Variants in TICAM2 observed in about 807,000 individuals in gnomAD.
The protein encoded by TICAM2 is TIR domain-containing adapter molecule 2.
TICAM2 carries 8 observed loss-of-function variants against 7.3 expected under a neutral mutation model. The ratio of observed to expected loss-of-function variants is 1.10; its 90% CI spans 0.65 to 1.99. TICAM2 has a LOEUF of 1.99. TICAM2 is among the 30% of genes most tolerant of loss of function. TICAM2 has a pLI of 0.00. For synonymous variants in TICAM2, 113 were observed against 99.6 expected, an observed-to-expected ratio of 1.13 and a Z score of -0.80; for missense variants, 304 against 278.8, an observed-to-expected ratio of 1.09 and a Z score of -0.65.
chr5:115,592,108 C>G (rs1435611719), intron 1 of TICAM2, among the ~76,000 whole-genome samples: 2 of 151,984 alleles, frequency 1.3e-5, no homozygotes, highest in Non-Finnish European at 2.9e-5. Context: ...ATAGCTTTAA[C>G]GTGATGAAAG....
intron 1 of TICAM2, among the ~76,000 whole-genome samples, chr5:115,589,059 A>G (rs564760575): frequency 1.3e-5 from 2 of 152,246 alleles, no homozygotes; most frequent in African/African-American, 4.8e-5. Flanking sequence ...TTGATACAAC[A>G]TCCAAAACAA....
At chr5:115,592,044 A>G (rs1240080724) in intron 1 of TICAM2, among the ~76,000 whole-genome samples, 1 of 152,180 alleles carries the variant, frequency 6.6e-6, no homozygotes, top group Non-Finnish European at 1.5e-5. Context: ...AGCAAGAGAA[A>G]ATAGATTACC....
chr5:115,592,109 G>A (rs559836795), intron 1 of TICAM2, among the ~76,000 whole-genome samples: 16 of 152,090 alleles, frequency 1.1e-4, no homozygotes, highest in Non-Finnish European at 2.1e-4. Context: ...TAGCTTTAAC[G>A]TGATGAAAGA....
At chr5:115,589,717 A>G (rs1755234549) in intron 1 of TICAM2, among the ~76,000 whole-genome samples, 1 of 152,208 alleles carries the variant, frequency 6.6e-6, no homozygotes, top group Non-Finnish European at 1.5e-5. Context: ...CACTAATCAC[A>G]ATTAATTATT....
chr5:115,595,999 CT>C (rs1190703822), intron 1 of TICAM2, among the ~76,000 whole-genome samples: 1 of 152,232 alleles, frequency 6.6e-6, no homozygotes, highest in African/African-American at 2.4e-5. Context: ...TGGAAGGTAG[CT>C]TGCACCTCAT....
At chr5:115,599,092 A>C (rs902134028) in intron 1 of TICAM2, among the ~76,000 whole-genome samples, 3 of 151,714 alleles carry the variant, frequency 2.0e-5, no homozygotes, top group Non-Finnish European at 2.9e-5. Context: ...TTCAATTTAT[A>C]TAATATCTTA....
intron 1 of TICAM2, among the ~76,000 whole-genome samples, chr5:115,587,567 A>G (rs1011387549): frequency 5.9e-5 from 9 of 152,202 alleles, no homozygotes; most frequent in Non-Finnish European, 1.2e-4. Context: ...AGATGAAGTG[A>G]TAGTGGAGGT....
At chr5:115,591,473 C>T (rs1239093045) in intron 1 of TICAM2, among the ~76,000 whole-genome samples, 1 of 152,032 alleles carries the variant, frequency 6.6e-6, no homozygotes, top group African/African-American at 2.4e-5. Flanking sequence ...ACGCAGCTGA[C>T]AATAGAAATA....
At chr5:115,591,655 T>A (rs542913074) in intron 1 of TICAM2, among the ~76,000 whole-genome samples, 1 of 152,118 alleles carries the variant, frequency 6.6e-6, no homozygotes, top group South Asian at 2.1e-4. Context: ...GATGGATTTA[T>A]CATTAGATTA....
In TICAM2 at chr5:115,579,899, C is replaced by A. The variant is rs956449809; in HGVS notation, c.*650G>T. ...ACGTCTGAACACCACTCCACGAAGT[C>A]CCTAACTACCACACTATCAAATGGG... On this transcript the variant is annotated 3_prime_UTR_variant, in exon 2 of 2. Transcript: ENST00000427199. 7.9e-5 allele frequency: 12 copies of A among 152,202 alleles called. No individual in the cohort carries two copies. The highest frequency in any genetic ancestry group is 2.9e-4 in the African/African-American group (12 of 41,426). The allele number at this position is 152,202 out of a possible 1,614,324, so 9.4% of individuals were successfully genotyped here.
intron 1 of TICAM2, among the ~76,000 whole-genome samples, chr5:115,595,574 T>C (rs914413367): frequency 6.6e-6 from 1 of 152,338 alleles, no homozygotes; most frequent in African/African-American, 2.4e-5. Context: ...CTTTCTGCAA[T>C]GGAAAACTGA....
chr5:115,599,967 T>C (rs1255909935), intron 1 of TICAM2, among the ~76,000 whole-genome samples: 5 of 152,134 alleles, frequency 3.3e-5, no homozygotes, highest in Admixed American at 3.3e-4. Context: ...TGGAAAAGAC[T>C]GTAGAGGAGC....
At chr5:115,598,566 T>C (rs936088529) in intron 1 of TICAM2, among the ~76,000 whole-genome samples, 2 of 152,214 alleles carry the variant, frequency 1.3e-5, no homozygotes, top group African/African-American at 4.8e-5. Flanking sequence ...TCCACGTTAA[T>C]GAGTGCTCTG....
At chr5:115,581,526 G>A (rs1355783461) in intron 1 of TICAM2, among the ~76,000 whole-genome samples, 1 of 152,142 alleles carries the variant, frequency 6.6e-6, no homozygotes, top group East Asian at 1.9e-4. Context: ...TAAATAAAGG[G>A]TCCAGTTTAA....
chr5:115,584,005 T>C (rs1755019209), intron 1 of TICAM2, among the ~76,000 whole-genome samples: 1 of 152,188 alleles, frequency 6.6e-6, no homozygotes, highest in Non-Finnish European at 1.5e-5. Flanking sequence ...AAAATGTGTA[T>C]GTATATACAT....
chr5:115,600,862 G>A, intron 1 of TICAM2, among the ~76,000 whole-genome samples: 1 of 152,186 alleles, frequency 6.6e-6, no homozygotes, highest in Non-Finnish European at 1.5e-5. Context: ...CCTAGAATGG[G>A]ATGTGTGGTC....
rs576027944 is a variant in TICAM2 at position 115,588,424 on chromosome 5, G to A, written c.-59-7109C>T. On this transcript the variant is annotated intron_variant, in intron 1 of 1. Coordinates refer to ENST00000427199, the MANE Select transcript of TICAM2 (RefSeq NM_021649.7). ...TTCACGTTGTACCTTTTAGAGAGAA[G>A]GTGAGTCCACTTTTGTTTATATGAA... Among the ~76,000 whole-genome samples the A allele has an allele frequency of 2.7e-4, 41 of 152,264 alleles. 1 individual carries two copies. The South Asian group carries it at 8.3e-3, about 31-fold the overall frequency.
chr5:115,594,598 T>G (rs17395548), intron 1 of TICAM2, among the ~76,000 whole-genome samples: 7,076 of 152,288 alleles, frequency 0.046, 191 homozygotes, highest in Middle Eastern at 0.12. Flanking sequence ...GTGTTTATAC[T>G]GTTTGCCAAA....
chr5:115,584,311 A>T (rs376028409), intron 1 of TICAM2, among the ~76,000 whole-genome samples: 1 of 152,202 alleles, frequency 6.6e-6, no homozygotes, highest in Admixed American at 6.5e-5. Context: ...ATTAGTATAC[A>T]TTGCTTTTTC....
Sources: gnomAD v4.1 joint callset for allele counts (sites outside exome capture counted in the v4.1 genomes callset) on GRCh38, gnomAD v4.1.1 for gene constraint, MANE v1.5 for transcripts, NCBI Gene and HGNC (gene_info 2026-07-23, HGNC 2026-07-21) for gene names.